Variants in NRK observed in about 807,000 individuals in gnomAD.
NRK encodes the protein Nik related kinase.
Under a neutral mutation model 125.2 loss-of-function variants are expected in NRK, and 67 were observed. That is an observed-to-expected ratio of 0.54 (90% CI 0.44 to 0.66). NRK has a LOEUF of 0.66. Among genes scored for constraint, NRK ranks in the 30% least tolerant of loss-of-function variants. The probability of loss-of-function intolerance (pLI) is 0.00; values close to 1 mark genes in which losing one functional copy is unlikely to be tolerated. For synonymous variants in NRK, 458 were observed against 429.0 expected, an observed-to-expected ratio of 1.07 and a Z score of -0.84; for missense variants, 1,224 against 1,192.9, an observed-to-expected ratio of 1.03 and a Z score of -0.38.
At chrX:105,879,222 C>T (rs1483376709) in intron 2 of NRK, among the ~76,000 whole-genome samples, 1 of 110,858 alleles carries the variant, frequency 9.0e-6, no homozygotes, top group Non-Finnish European at 1.9e-5. Context: ...AGTTTGATTA[C>T]ATCTGCAAAG....
At chrX:105,920,501 C>T (rs1205262091) in intron 16 of NRK, among the ~76,000 whole-genome samples, 1 of 107,365 alleles carries the variant, frequency 9.3e-6, no homozygotes, top group East Asian at 3.0e-4. Context: ...GCCATTTTCA[C>T]GATATTGATT....
chrX:105,832,351 G>A (rs1241191259), intron 2 of NRK, among the ~76,000 whole-genome samples: 1 of 111,278 alleles, frequency 9.0e-6, no homozygotes, highest in Non-Finnish European at 1.9e-5. Context: ...CTGGTTTGGG[G>A]ATGGGGTGCT....
intron 4 of NRK, among the ~76,000 whole-genome samples, chrX:105,884,708 A>G (rs369336092): frequency 1.2e-4 from 14 of 112,400 alleles, no homozygotes; most frequent in Non-Finnish European, 2.3e-4. Context: ...TTCCATGTCA[A>G]TTGTCCCTTT....
At chrX:105,898,461 C>T (rs2147732877) in intron 7 of NRK, 123 bp from the exon 8 acceptor site, 1 of 578,470 alleles carries the variant, frequency 1.7e-6, no homozygotes, top group Admixed American at 4.5e-5. Context: ...GTAAAGTTTG[C>T]TAGGCTGGAA....
Position 105,913,588 on chromosome X carries a change from T to G in NRK, c.2349+833T>G, listed in dbSNP as rs2040329019. On this transcript the variant is annotated intron_variant, in intron 14 of 28. Coordinates refer to ENST00000243300, the MANE Select transcript of NRK (RefSeq NM_198465.4). ...CTAATTTTCCTTTGCAAGCTCAAAT[T>G]TTATCATTGCTAAATTGTGGCATCA... Among the ~76,000 whole-genome samples, 3 of 111,833 alleles carry G rather than the reference T, an allele frequency of 2.7e-5. No homozygotes were observed. In the South Asian group the frequency reaches 1.1e-3, roughly 41 times the overall value.
intron 27 of NRK, 37 bp from the exon 28 acceptor site, chrX:105,952,997 T>A: frequency 9.4e-7 from 1 of 1,061,103 alleles, no homozygotes; most frequent in Non-Finnish European, 1.2e-6. Context: ...CCAGAAAGAT[T>A]TTGTGTTTTT....
chrX:105,826,018 G>A (rs2039087683), intron 1 of NRK, among the ~76,000 whole-genome samples: 2 of 101,877 alleles, frequency 2.0e-5, no homozygotes, highest in Non-Finnish European at 3.9e-5. Flanking sequence ...AGGGATGTGC[G>A]TGTATGCCTC....
In NRK at chrX:105,883,518, C is replaced by CA. The variant is rs1410126619; in HGVS notation, c.252+1744dup. Among the ~76,000 whole-genome samples the CA allele has an allele frequency of 1.7e-4, 19 of 111,493 alleles. No individual in the cohort carries two copies. The East Asian group carries it at 5.4e-3, about 32-fold the overall frequency. On this transcript the variant is annotated intron_variant, in intron 4 of 28. Coordinates refer to ENST00000243300, the MANE Select transcript of NRK (RefSeq NM_198465.4). ...AATCCCAAGTCTACCACTAAATAGC[C>CA]AAAAAGTGCTTGGGAAAGTGGTTTA...
intron 9 of NRK, among the ~76,000 whole-genome samples, chrX:105,902,960 T>C (rs887698306): frequency 3.5e-4 from 39 of 111,476 alleles, no homozygotes; most frequent in African/African-American, 1.2e-3. Flanking sequence ...ACTGGACACT[T>C]GTAAACCAGG....
intron 1 of NRK, among the ~76,000 whole-genome samples, chrX:105,830,832 T>C (rs2039180640): frequency 1.5e-5 from 1 of 67,154 alleles, no homozygotes; most frequent in Non-Finnish European, 2.8e-5. Flanking sequence ...GGGACTGTTG[T>C]GTAGGGGGAG....
intron 13 of NRK, among the ~76,000 whole-genome samples, chrX:105,911,250 T>C (rs2040297391): frequency 8.9e-6 from 1 of 112,045 alleles, no homozygotes; most frequent in Non-Finnish European, 1.9e-5. Context: ...AAAGTGAATA[T>C]AATTTTACTG....
intron 5 of NRK, among the ~76,000 whole-genome samples, chrX:105,890,958 G>A (rs1372400802): frequency 9.0e-6 from 1 of 111,274 alleles, no homozygotes; most frequent in Non-Finnish European, 1.9e-5. Flanking sequence ...AATGAATACT[G>A]GAAATAGTCA....
At chrX:105,934,895 C>T (rs1457470427) in intron 20 of NRK, among the ~76,000 whole-genome samples, 1 of 111,778 alleles carries the variant, frequency 8.9e-6, no homozygotes, top group African/African-American at 3.3e-5. Context: ...ATGGTAGCCT[C>T]AACCTCTGAT....
intron 24 of NRK, among the ~76,000 whole-genome samples, chrX:105,945,443 T>G (rs951410957): frequency 8.9e-6 from 1 of 112,225 alleles, no homozygotes; most frequent in Non-Finnish European, 1.9e-5. Context: ...AACTATGTTC[T>G]TCTATAAATT....
Position 105,956,358 on chromosome X carries a change from C to T in NRK, c.*758C>T, listed in dbSNP as rs1162499678. On this transcript the variant is annotated 3_prime_UTR_variant, in exon 29 of 29. Transcript: ENST00000243300. ...TACAGTTGTGAGCCTGAATACAGGA[C>T]TGAACTCCTATACACGTGTACTGTA... 8.9e-6 allele frequency: 1 copy of T among 111,922 alleles called. No homozygotes were observed. Among genetic ancestry groups the T allele is most frequent in the Non-Finnish European group, 1.9e-5 (1 of 53,088 alleles). The allele number at this position is 111,922 out of a possible 1,213,427, so 9.2% of individuals were successfully genotyped here.
At chrX:105,844,019 C>CTGTG (rs1178483710) in intron 2 of NRK, among the ~76,000 whole-genome samples, 7 of 63,230 alleles carry the variant, frequency 1.1e-4, no homozygotes, top group Admixed American at 1.8e-4. Flanking sequence ...GTGTGTGTGT[C>CTGTG]TGTGTGTGTG....
chrX:105,949,768 C>A, intron 27 of NRK, 34 bp downstream of exon 27: 3 of 1,011,752 alleles, frequency 3.0e-6, no homozygotes, highest in Non-Finnish European at 4.0e-6. Context: ...TTCAGGACCC[C>A]AGAGAAAATT....
intron 2 of NRK, among the ~76,000 whole-genome samples, chrX:105,872,400 T>A (rs1251719066): frequency 8.9e-6 from 1 of 112,144 alleles, no homozygotes. Context: ...CTAAAGTTGA[T>A]GTCTGTAAAA....
chrX:105,955,652 G>C lies in NRK; in HGVS notation c.*52G>C. On this transcript the variant is annotated 3_prime_UTR_variant, in exon 29 of 29. Coordinates refer to ENST00000243300, the MANE Select transcript of NRK (RefSeq NM_198465.4). ...TATAAACATCATGTATAGGCAGTCT[G>C]CATCTTCAGATTTCAGAGATTAAAT... 5 of 601,976 alleles carry C rather than the reference G, an allele frequency of 8.3e-6. No homozygotes were observed. Among genetic ancestry groups the C allele is most frequent in the Non-Finnish European group, 1.1e-5 (4 of 366,447 alleles). 49.6% of individuals were successfully genotyped at this position (601,976 alleles called of 1,213,427 possible).
Sources: allele counts gnomAD v4.1 joint callset (sites outside exome capture counted in the v4.1 genomes callset), GRCh38; gene constraint gnomAD v4.1.1; transcripts MANE v1.5; gene names NCBI Gene and HGNC (gene_info 2026-07-23, HGNC 2026-07-21).